ADGRV1: variants seen among roughly 807,000 people sequenced by gnomAD.
The protein encoded by ADGRV1 is G-protein coupled receptor 98.
In ADGRV1, 359 loss-of-function variants were observed where a neutral mutation model predicts 596.2. The ratio of observed to expected loss-of-function variants is 0.60; its 90% CI spans 0.55 to 0.66. The LOEUF (loss-of-function observed/expected upper bound fraction) is 0.66. ADGRV1 is among the 30% of genes least tolerant of loss of function. The pLI, the probability that ADGRV1 is intolerant of heterozygous loss-of-function variation, is 0.00. For synonymous variants in ADGRV1, 2,681 were observed against 2,679.2 expected (o/e 1.00, Z -0.02); for missense variants, 7,274 against 7,575.6 (o/e 0.96, Z 1.48).
rs529451943 is a variant in ADGRV1, at chr5:90,848,440, A to G, written c.17020-197A>G. ...TGATTATGCCTTTTCTTTATAGATGATTACTTATGCCTTTTCAACTGCAAA... is the reference window on the plus strand; with the variant it reads ...TGATTATGCCTTTTCTTTATAGATGGTTACTTATGCCTTTTCAACTGCAAA... On this transcript the variant is annotated intron_variant, in intron 78 of 89. Coordinates refer to ENST00000405460, the MANE Select transcript of ADGRV1 (RefSeq NM_032119.4). Among the ~76,000 whole-genome samples the G allele has an allele frequency of 3.3e-5, 5 of 152,200 alleles. No homozygotes were observed. In the South Asian group the frequency reaches 1.0e-3, roughly 32 times the overall value.
intron 76 of ADGRV1, among the ~76,000 whole-genome samples, chr5:90,824,684 G>C (rs867925991): frequency 6.6e-6 from 1 of 152,070 alleles, no homozygotes; most frequent in African/African-American, 2.4e-5. Context: ...TAGGCTCTTG[G>C]AAACTGCAAC....
chr5:91,022,009 G>A (rs1428668875), intron 85 of ADGRV1, among the ~76,000 whole-genome samples: 1 of 152,088 alleles, frequency 6.6e-6, no homozygotes, highest in African/African-American at 2.4e-5. Context: ...AGCGGCAATC[G>A]AGAGTATCAA....
chr5:90,706,458 T>G, intron 38 of ADGRV1, 64 bp downstream of exon 38: 5 of 1,379,416 alleles, frequency 3.6e-6, no homozygotes, highest in Non-Finnish European at 4.8e-6. Context: ...TTTATTATAC[T>G]TTAAGTTTTA....
intron 86 of ADGRV1, among the ~76,000 whole-genome samples, chr5:91,087,565 G>A (rs568176427): frequency 4.5e-4 from 68 of 152,210 alleles, no homozygotes; most frequent in African/African-American, 1.6e-3. Flanking sequence ...GCCTCCCGAA[G>A]TGAATGTATA....
chr5:90,790,918 C>G lies in ADGRV1; in HGVS notation c.14089C>G (p.Leu4697Val). The G allele has an allele frequency of 1.2e-6, 2 of 1,611,860 alleles. No homozygotes were observed. Among genetic ancestry groups the G allele is most frequent in the African/African-American group, 1.3e-5 (1 of 74,946 alleles). Residue 4697 changes from leucine to valine, a missense_variant, in exon 70 of 90, where the codon CTT becomes GTT. Leu to Val is a conservative substitution (Grantham distance 32). Around this residue, in one of 5 missense-constraint regions of ADGRV1, gnomAD observed 1,874 missense variants for 1,970.2 expected, o/e 0.95. Transcript: ENST00000405460. ...TGAGTTTGACATTACTGAAGACTTT[C>G]TTTCCACCAGTGGATTTTTCACCAT... The part of the protein sequence containing the change: ...SSEFDITEDF[L>V]STSGFFTIAD...
chr5:90,924,253 TAA>T (rs776583977), intron 83 of ADGRV1, among the ~76,000 whole-genome samples: 27 of 151,626 alleles, frequency 1.8e-4, no homozygotes, highest in Non-Finnish European at 3.1e-4. Flanking sequence ...ACCAACAGTG[TAA>T]AAGTGTTCCT....
At chr5:90,728,222 T>C (rs1201574274) in intron 48 of ADGRV1, among the ~76,000 whole-genome samples, 1 of 152,196 alleles carries the variant, frequency 6.6e-6, no homozygotes, top group Non-Finnish European at 1.5e-5. Context: ...ACTGCCACCA[T>C]GGGGACAGAA....
chr5:90,592,187 C>T (rs1231210909), intron 1 of ADGRV1, among the ~76,000 whole-genome samples: 7 of 152,178 alleles, frequency 4.6e-5, no homozygotes, highest in East Asian at 3.9e-4. Flanking sequence ...CAGCACAATT[C>T]GCAATTGCAA....
chr5:90,829,053 A>G lies in ADGRV1; in HGVS notation c.16478A>G (p.Glu5493Gly). ...FAQIKILESD[E>G]SQSLVYFSVG... ...CAGATTAAAATCTTAGAAAGTGATG[A>G]ATCTCAAAGCCTTGTGTATTTTTCT... The change falls in exon 77 of 90, where the codon GAA (glutamate) becomes GGA (glycine). Residue 5493 changes from glutamate (E) to glycine (G), a missense_variant. Coordinates refer to ENST00000405460, the MANE Select transcript of ADGRV1 (RefSeq NM_032119.4). 2.5e-6 allele frequency: 4 copies of G among 1,612,714 alleles called. No individual in the cohort carries two copies. The highest frequency in any genetic ancestry group is 3.4e-6 in the Non-Finnish European group (4 of 1,179,086).
At chr5:90,977,860 C>G (rs1044397912) in intron 84 of ADGRV1, among the ~76,000 whole-genome samples, 2 of 152,188 alleles carry the variant, frequency 1.3e-5, no homozygotes, top group African/African-American at 4.8e-5. Flanking sequence ...TTCCAATAGC[C>G]TGAATTACTA....
chr5:90,996,618 C>T (rs916461853), intron 85 of ADGRV1, among the ~76,000 whole-genome samples: 9 of 152,130 alleles, frequency 5.9e-5, no homozygotes, highest in Admixed American at 5.9e-4. Context: ...TGGGACACTG[C>T]CTAGTGGAGC....
At chr5:90,805,780 A>C (rs952252890) in intron 72 of ADGRV1, among the ~76,000 whole-genome samples, 4 of 152,216 alleles carry the variant, frequency 2.6e-5, no homozygotes, top group Non-Finnish European at 5.9e-5. Context: ...ATAAAAATAC[A>C]TACAGCTCTT....
chr5:90,611,189 A>G (rs1007320810), intron 1 of ADGRV1, among the ~76,000 whole-genome samples: 1 of 151,738 alleles, frequency 6.6e-6, no homozygotes, highest in East Asian at 1.9e-4. Flanking sequence ...TCTGAAAACA[A>G]CCATTTTACA....
chr5:90,854,077 G>A lies in ADGRV1; in HGVS notation c.17470G>A (p.Val5824Met), dbSNP rs759203170. Residue 5824 changes from valine to methionine, a missense_variant, in exon 81 of 90, where the codon GTG becomes ATG. Val to Met is a conservative substitution (Grantham distance 21, BLOSUM62 1). Coordinates refer to ENST00000405460, the MANE Select transcript of ADGRV1 (RefSeq NM_032119.4). ...TLKNKVLSLS[V>M]KGQSSQLLTN... ...AACATTCTAGGTATTATCTTTGAGT[G>A]TGAAAGGTCAGAGTTCACAACTCCT... 3.2e-6 allele frequency: 5 copies of A among 1,583,152 alleles called. No individual in the cohort carries two copies. Among genetic ancestry groups the A allele is most frequent in the Non-Finnish European group, 3.4e-6 (4 of 1,160,394 alleles).
At chr5:90,748,485 G>A (rs1426451696) in intron 52 of ADGRV1, among the ~76,000 whole-genome samples, 1 of 151,952 alleles carries the variant, frequency 6.6e-6, no homozygotes, top group Non-Finnish European at 1.5e-5. Context: ...TCAAATTTTA[G>A]TGCGCATTTT....
chr5:90,753,959 C>T, intron 54 of ADGRV1, 130 bp downstream of exon 54: 1 of 854,396 alleles, frequency 1.2e-6, no homozygotes, highest in Non-Finnish European at 1.7e-6. Context: ...ATACTCAATC[C>T]TTTTTGTTTA....
At chr5:90,961,731 T>C (rs1054923537) in intron 83 of ADGRV1, among the ~76,000 whole-genome samples, 28 of 152,204 alleles carry the variant, frequency 1.8e-4, no homozygotes, top group Admixed American at 3.3e-4. Context: ...CTTCGTTGGC[T>C]GGCACAGTAG....
intron 59 of ADGRV1, among the ~76,000 whole-genome samples, chr5:90,770,835 T>TACCCTTTGAAAAATTTTTATGC (rs1757618036): frequency 1.3e-5 from 2 of 152,208 alleles, no homozygotes; most frequent in African/African-American, 4.8e-5. Flanking sequence ...GTTTTTTATA[T>TACCCTTTGAAAAATTTTTATGC]ACCCTTTGAA....
intron 85 of ADGRV1, among the ~76,000 whole-genome samples, chr5:91,056,181 C>T (rs1786831628): frequency 6.6e-6 from 1 of 152,176 alleles, no homozygotes; most frequent in Admixed American, 6.5e-5. Context: ...AAGAATTGGG[C>T]CCTTTCTGTT....
Sources: allele counts gnomAD v4.1 joint callset (sites outside exome capture counted in the v4.1 genomes callset), GRCh38; gene constraint gnomAD v4.1.1; regional missense constraint gnomAD v4.1.1; transcripts MANE v1.5; gene names NCBI Gene and HGNC (gene_info 2026-07-23, HGNC 2026-07-21).